Variants in STEAP1 observed in about 807,000 individuals in gnomAD.
STEAP1 encodes STEAP1 protein.
Under a neutral mutation model 34.4 loss-of-function variants are expected in STEAP1, and 30 were observed. The observed-to-expected ratio is 0.87, with a 90% confidence interval of 0.65 to 1.18. The LOEUF (loss-of-function observed/expected upper bound fraction) is 1.18, where lower values mean the gene tolerates loss of function less well. Among genes scored for constraint, STEAP1 ranks in the 50% most tolerant of loss-of-function variants. The probability of loss-of-function intolerance (pLI) is 0.00; values close to 1 mark genes in which losing one functional copy is unlikely to be tolerated. For synonymous variants in STEAP1, 116 were observed against 135.3 expected, an observed-to-expected ratio of 0.86 and a Z score of 0.99; for missense variants, 318 against 391.1, an observed-to-expected ratio of 0.81 and a Z score of 1.58.
chr7:90,164,519 G>T lies in STEAP1; in HGVS notation c.805G>T (p.Ala269Ser). The change falls in exon 5 of 5, where the codon GCA becomes TCA. Residue 269 changes from alanine (A) to serine (S), a missense_variant. Coordinates refer to ENST00000297205, the MANE Select transcript of STEAP1 (RefSeq NM_012449.3). ...TTCCCTTCTACTGGGCACAATACAC[G>T]CATTGATTTTTGCCTGGAATAAGTG... ...IVSLLLGTIH[A>S]LIFAWNKWID... 5 of 1,613,116 alleles carry T rather than the reference G, an allele frequency of 3.1e-6. No homozygotes were observed. The highest frequency in any genetic ancestry group is 4.2e-6 in the Non-Finnish European group (5 of 1,179,542).
chr7:90,155,418 G>A (rs1794106222), intron 1 of STEAP1, among the ~76,000 whole-genome samples: 1 of 152,128 alleles, frequency 6.6e-6, no homozygotes, highest in African/African-American at 2.4e-5. Flanking sequence ...GAGTAAGTTG[G>A]GCTGTGCCAA....
chr7:90,162,697 A>T (rs1794202594), intron 4 of STEAP1, among the ~76,000 whole-genome samples: 1 of 152,134 alleles, frequency 6.6e-6, no homozygotes, highest in South Asian at 2.1e-4. Flanking sequence ...TTAGGAATCC[A>T]ATATGCATGG....
chr7:90,155,242 C>G (rs17861267), intron 1 of STEAP1, among the ~76,000 whole-genome samples: 1 of 138,636 alleles, frequency 7.2e-6, no homozygotes, highest in Non-Finnish European at 1.6e-5. Flanking sequence ...GAAAGCAATG[C>G]TTAAAAACAG....
At chr7:90,155,610 A>G (rs2270017) in intron 1 of STEAP1, among the ~76,000 whole-genome samples, 1 of 152,208 alleles carries the variant, frequency 6.6e-6, no homozygotes, top group South Asian at 2.1e-4. Flanking sequence ...TTACTGTAGA[A>G]CTTAAATTTC....
rs1388942103 is a variant in STEAP1, at chr7:90,161,337, A to G, written c.597+20A>G. 6.3e-7 allele frequency: 1 copy of G among 1,586,624 alleles called. No individual in the cohort carries two copies. The highest frequency in any genetic ancestry group is 8.6e-7 in the Non-Finnish European group (1 of 1,166,890). On this transcript the variant is annotated intron_variant, in intron 3 of 4. Coordinates refer to ENST00000297205, the MANE Select transcript of STEAP1 (RefSeq NM_012449.3). ...CAACAGGTAAGATGACAGTGTTGAC[A>G]CTGTTACTAATAAAAAGTCTAAGTC...
intron 4 of STEAP1, chr7:90,162,314 TTGTTTG>T: frequency 1.6e-6 from 1 of 642,944 alleles, no homozygotes; most frequent in Non-Finnish European, 2.2e-6. Context: ...TTTTTTTTGT[TTGTTTG>T]TTTTTTGTTT....
chr7:90,159,730 A>G, intron 1 of STEAP1, 28 bp from the exon 2 acceptor site: 3 of 1,266,178 alleles, frequency 2.4e-6, no homozygotes, highest in Non-Finnish European at 3.2e-6. Context: ...TAGAATGGAC[A>G]TGAAAGTAAT....
intron 1 of STEAP1, among the ~76,000 whole-genome samples, chr7:90,158,450 T>A (rs557481514): frequency 6.6e-6 from 1 of 151,558 alleles, no homozygotes; most frequent in East Asian, 1.9e-4. Flanking sequence ...TATTTCTAAT[T>A]TTTTTTTTCT....
At chr7:90,159,499 T>A (rs1584192810) in intron 1 of STEAP1, among the ~76,000 whole-genome samples, 1 of 152,242 alleles carries the variant, frequency 6.6e-6, no homozygotes, top group East Asian at 1.9e-4. Context: ...TGACCCTTTG[T>A]AATGCATACA....
At chr7:90,157,432 A>T (rs1794130867) in intron 1 of STEAP1, among the ~76,000 whole-genome samples, 1 of 152,224 alleles carries the variant, frequency 6.6e-6, no homozygotes, top group Non-Finnish European at 1.5e-5. Flanking sequence ...TTCCACTTCC[A>T]TATATAAATA....
intron 4 of STEAP1, 98 bp from the exon 5 acceptor site, chr7:90,164,379 G>C (rs1319425866): frequency 7.4e-7 from 1 of 1,352,054 alleles, no homozygotes; most frequent in Non-Finnish European, 9.9e-7. Flanking sequence ...AACAATCATA[G>C]ATAAAGGATT....
intron 4 of STEAP1, 152 bp from the exon 5 acceptor site, chr7:90,164,325 A>G: frequency 3.1e-6 from 3 of 961,044 alleles, no homozygotes; most frequent in Non-Finnish European, 4.4e-6. Flanking sequence ...AGGCAAAAAG[A>G]GTAGAAAGAT....
At chr7:90,156,191 A>G (rs921354690) in intron 1 of STEAP1, among the ~76,000 whole-genome samples, 1 of 152,198 alleles carries the variant, frequency 6.6e-6, no homozygotes, top group South Asian at 2.1e-4. Flanking sequence ...GATCTTCTAA[A>G]CATAGTGAAT....
intron 2 of STEAP1, 87 bp from the exon 3 acceptor site, chr7:90,160,718 C>A: frequency 6.6e-7 from 1 of 1,516,346 alleles, no homozygotes; most frequent in South Asian, 1.3e-5. Flanking sequence ...CAATGAGAAG[C>A]ACAATGATTG....
At chr7:90,161,793 A>G in intron 3 of STEAP1, 121 bp from the exon 4 acceptor site, 9 of 1,430,042 alleles carry the variant, frequency 6.3e-6, no homozygotes. Context: ...AAAAGTCATA[A>G]ATTTGTGGAG....
chr7:90,162,451 C>T (rs535654211), intron 4 of STEAP1, among the ~76,000 whole-genome samples: 2 of 151,926 alleles, frequency 1.3e-5, no homozygotes, highest in East Asian at 3.9e-4. Context: ...GCCTCAGCCT[C>T]CTGAGTAGCT....
At chr7:90,161,558 C>T (rs191564456) in intron 3 of STEAP1, among the ~76,000 whole-genome samples, 50 of 152,196 alleles carry the variant, frequency 3.3e-4, no homozygotes, top group Admixed American at 2.3e-3. Flanking sequence ...ACATTTTGTT[C>T]ATGGACGAGG....
At chr7:90,155,212 A>G (rs1219673384) in intron 1 of STEAP1, among the ~76,000 whole-genome samples, 1 of 152,168 alleles carries the variant, frequency 6.6e-6, no homozygotes, top group African/African-American at 2.4e-5. Flanking sequence ...TTCATTTAAC[A>G]TGAATGTTAA....
Position 90,164,805 on chromosome 7 carries a change from T to C in STEAP1, c.*71T>C, listed in dbSNP as rs781028026. The stretch of plus-strand genomic sequence containing the variant: ...CACCAACATTTCAAGTTTGTATTTG[T>C]TAATAAAATGATTATTCAAGGATCT... On this transcript the variant is annotated 3_prime_UTR_variant, in exon 5 of 5. Coordinates refer to ENST00000297205, the MANE Select transcript of STEAP1 (RefSeq NM_012449.3). 12 of 1,390,064 alleles carry C rather than the reference T, an allele frequency of 8.6e-6. No homozygotes were observed. The highest frequency in any genetic ancestry group is 1.1e-5 in the Non-Finnish European group (11 of 1,043,514). The allele number at this position is 1,390,064 out of a possible 1,614,324, so 86.1% of individuals were successfully genotyped here. A position where few individuals can be genotyped will look rare whatever the true frequency, so the allele number is the denominator to read the frequency against.
Sources: gnomAD v4.1 joint callset for allele counts (sites outside exome capture counted in the v4.1 genomes callset) on GRCh38, gnomAD v4.1.1 for gene constraint, MANE v1.5 for transcripts, NCBI Gene and HGNC (gene_info 2026-07-23, HGNC 2026-07-21) for gene names.